IGSF3: variants seen among roughly 807,000 people sequenced by gnomAD.
The protein encoded by IGSF3 is immunoglobulin superfamily member 3, also known as glu-Trp-Ile EWI motif-containing protein 3.
A neutral mutation model predicts 114.4 loss-of-function variants in IGSF3; 23 were observed. The observed-to-expected ratio is 0.20, with a 90% CI of 0.14 to 0.28. The LOEUF (loss-of-function observed/expected upper bound fraction) is 0.28, where lower values mean the gene tolerates loss of function less well. IGSF3 is among the 10% of genes least tolerant of loss of function. The probability of loss-of-function intolerance (pLI) is 1.00; values close to 1 mark genes in which losing one functional copy is unlikely to be tolerated. For missense variants in IGSF3, 1,172 were observed against 1,591.5 expected (o/e 0.74, Z 4.48); for synonymous variants, 571 against 645.2 (o/e 0.88, Z 1.74).
At chr1:116,652,263 C>T (rs1648662097) in intron 2 of IGSF3, among the ~76,000 whole-genome samples, 1 of 152,210 alleles carries the variant, frequency 6.6e-6, no homozygotes, top group South Asian at 2.1e-4. Flanking sequence ...ATTCCATTTA[C>T]ATAAACAATT....
intron 7 of IGSF3, among the ~76,000 whole-genome samples, chr1:116,599,472 A>G (rs561246656): frequency 5.5e-4 from 83 of 152,286 alleles, no homozygotes; most frequent in Non-Finnish European, 8.1e-4. Context: ...AAGAGACAGG[A>G]TAACAAATGT....
chr1:116,607,149 G>T lies in IGSF3; in HGVS notation c.1222+793C>A, dbSNP rs1407084085. The stretch of plus-strand genomic sequence containing the variant: ...ACTTTACCACTTGTTTAAAATCAGA[G>T]CATTATAGGTTTTTATTCTCTTTAC... On this transcript the variant is annotated intron_variant, in intron 5 of 10. Coordinates refer to ENST00000369486, the MANE Select transcript of IGSF3 (RefSeq NM_001007237.3). The surrounding 1 kb of genome is among the most constrained non-coding windows in gnomAD (Gnocchi z 6.1). Among the ~76,000 whole-genome samples, 7 of 152,208 alleles carry T rather than the reference G, an allele frequency of 4.6e-5. No individual in the cohort carries two copies. The highest frequency in any genetic ancestry group is 3.9e-4 in the Admixed American group (6 of 15,288).
Position 116,614,023 on chromosome 1 carries a change from G to A in IGSF3, c.574C>T (p.Pro192Ser), listed in dbSNP as rs1443311897. 1.2e-6 allele frequency: 2 copies of A among 1,614,126 alleles called. No individual in the cohort carries two copies. The highest frequency in any genetic ancestry group is 1.7e-6 in the Non-Finnish European group (2 of 1,179,990). Reference sequence around the variant, plus strand: ...CGGCTCAGGGAGATGACCTCCACGGGCTTCTCGCCAACTTTCTGCCGGAGC... The same window carrying A: ...CGGCTCAGGGAGATGACCTCCACGGACTTCTCGCCAACTTTCTGCCGGAGC... ...AWLRQKVGEK[P>S]VEVISLSRDF... The change falls in exon 4 of 11, where the codon CCC becomes TCC. Residue 192 changes from proline (P) to serine (S), a missense_variant. By Grantham distance (74) the Pro-to-Ser change is moderately conservative. Transcript: ENST00000369486. This position sits in a 1 kb window ranked among gnomAD's most constrained non-coding sequence, Gnocchi z 4.5.
rs762506403 is a variant in IGSF3, at chr1:116,589,080, G to A, written c.2054C>T (p.Ser685Leu). The A allele has an allele frequency of 1.1e-5, 17 of 1,613,700 alleles. No individual in the cohort carries two copies. The highest frequency in any genetic ancestry group is 3.3e-5 in the South Asian group (3 of 91,064). ...TTCCACCAGGGTGAGGGTCCTCTTC[G>A]ATTTGCTCACCTGCAGCTTTGTCAC... ...QPVTKLQVSK[S>L]KRTLTLVENK... is the part of the protein sequence containing the mutation. Residue 685 changes from serine (S) to leucine (L), a missense_variant, in exon 8 of 11, where the codon TCG becomes TTG. Physicochemically the swap from Ser to Leu is moderately radical, Grantham distance 145 (BLOSUM62 -2). Transcript: ENST00000369486. This position sits in a 1 kb window ranked among gnomAD's most constrained non-coding sequence, Gnocchi z 5.7.
intron 5 of IGSF3, among the ~76,000 whole-genome samples, chr1:116,604,646 A>G (rs1042411648): frequency 6.6e-6 from 1 of 152,174 alleles, no homozygotes; most frequent in African/African-American, 2.4e-5. Flanking sequence ...TTTCATTAAC[A>G]CACAGGAACA....
Position 116,633,180 on chromosome 1 carries a change from C to T in IGSF3, c.44-16723G>A, listed in dbSNP as rs2101042503. On this transcript the variant is annotated intron_variant, in intron 2 of 10. Coordinates refer to ENST00000369486, the MANE Select transcript of IGSF3 (RefSeq NM_001007237.3). The surrounding 1 kb of genome is among the most constrained non-coding windows in gnomAD (Gnocchi z 4.3). Reference sequence around the variant, plus strand: ...TGGTCCCAGCCTGGGCATGGTACCACTGTCCTACATTCCAGCCATTTGGGA... The same window carrying T: ...TGGTCCCAGCCTGGGCATGGTACCATTGTCCTACATTCCAGCCATTTGGGA... 1.3e-5 allele frequency among the ~76,000 whole-genome samples: 2 copies of T among 152,354 alleles called. No homozygotes were observed. Among genetic ancestry groups the T allele is most frequent in the Middle Eastern group, 6.8e-3 (2 of 294 alleles).
intron 2 of IGSF3, among the ~76,000 whole-genome samples, chr1:116,622,124 A>G (rs1214734623): frequency 1.3e-5 from 2 of 152,172 alleles, no homozygotes; most frequent in African/African-American, 4.8e-5. Flanking sequence ...GATCGACCTC[A>G]CCATTTTACA....
chr1:116,660,635 G>T (rs189338558), intron 2 of IGSF3, among the ~76,000 whole-genome samples: 4 of 151,714 alleles, frequency 2.6e-5, no homozygotes, highest in African/African-American at 7.3e-5. Context: ...ACACCATCAC[G>T]CCCAGCTAAT....
At chr1:116,597,347 T>C (rs998797072) in intron 7 of IGSF3, among the ~76,000 whole-genome samples, 4 of 152,200 alleles carry the variant, frequency 2.6e-5, no homozygotes, top group Admixed American at 6.5e-5. Context: ...CACCAAAGTA[T>C]ATAGGAAAGA....
At position 116,594,600 on chromosome 1, in the gene IGSF3, A is replaced by G. The variant is rs1433591047; in HGVS notation, c.2029+5341T>C. Among the ~76,000 whole-genome samples the G allele has an allele frequency of 6.6e-6, 1 of 152,220 alleles. No individual in the cohort carries two copies. Among genetic ancestry groups the G allele is most frequent in the Non-Finnish European group, 1.5e-5 (1 of 68,038 alleles). On this transcript the variant is annotated intron_variant, in intron 7 of 10. Transcript: ENST00000369486. This position sits in a 1 kb window ranked among gnomAD's most constrained non-coding sequence, Gnocchi z 5.2. Reference sequence around the variant, plus strand: ...CCAATTTTATAAAGACACTTGCCCAAGGTCACACAGCTGGCTTAGTGGTAG... The same window carrying G: ...CCAATTTTATAAAGACACTTGCCCAGGGTCACACAGCTGGCTTAGTGGTAG...
At chr1:116,590,588 G>GGGGCA (rs1178310119) in intron 7 of IGSF3, among the ~76,000 whole-genome samples, 1 of 152,158 alleles carries the variant, frequency 6.6e-6, no homozygotes, top group African/African-American at 2.4e-5. Context: ...GGCAGGGGCA[G>GGGGCA]GGGCAGGGCA....
chr1:116,579,196 C>T lies in IGSF3; in HGVS notation c.3334+196G>A, dbSNP rs921078708. 7.2e-5 allele frequency among the ~76,000 whole-genome samples: 11 copies of T among 152,146 alleles called. No homozygotes were observed. Among genetic ancestry groups the T allele is most frequent in the Non-Finnish European group, 1.6e-4 (11 of 68,016 alleles). ...GGTATGTTATCACTTTAATTTCTAT[C>T]CCTATTTTTGCATGGGTAATCAAGG... On this transcript the variant is annotated intron_variant, in intron 10 of 10. Transcript: ENST00000369486. The surrounding 1 kb of genome is among the most constrained non-coding windows in gnomAD (Gnocchi z 6.4).
chr1:116,597,170 T>C (rs1660377647), intron 7 of IGSF3, among the ~76,000 whole-genome samples: 1 of 152,206 alleles, frequency 6.6e-6, no homozygotes, highest in South Asian at 2.1e-4. Flanking sequence ...TGAGAATCTC[T>C]CAGAGCCTCT....
At position 116,636,202 on chromosome 1, in the gene IGSF3, C is replaced by T. The variant is rs899283567; in HGVS notation, c.44-19745G>A. 6.6e-6 allele frequency among the ~76,000 whole-genome samples: 1 copy of T among 152,218 alleles called. No homozygotes were observed. The highest frequency in any genetic ancestry group is 2.1e-4 in the South Asian group (1 of 4,832). On this transcript the variant is annotated intron_variant, in intron 2 of 10. Transcript: ENST00000369486. The surrounding 1 kb of genome is among the most constrained non-coding windows in gnomAD (Gnocchi z 4.5). ...ACCTTCCCAAGAAGAATTCCCCATA[C>T]CGAGTCTACCATTCCTTCCCTGATC...
intron 2 of IGSF3, among the ~76,000 whole-genome samples, chr1:116,623,559 G>T (rs555469360): frequency 1.1e-4 from 17 of 152,202 alleles, no homozygotes; most frequent in Admixed American, 1.0e-3. Context: ...GATGGCACAC[G>T]CTATCAGGAG....
chr1:116,619,901 T>C (rs1472879687), intron 2 of IGSF3, among the ~76,000 whole-genome samples: 2 of 152,162 alleles, frequency 1.3e-5, no homozygotes, highest in African/African-American at 4.8e-5. Flanking sequence ...TGAAAAGAAC[T>C]AGAAAGAAAA....
intron 2 of IGSF3, among the ~76,000 whole-genome samples, chr1:116,635,898 A>C (rs1004803547): frequency 1.3e-5 from 2 of 152,234 alleles, no homozygotes; most frequent in African/African-American, 4.8e-5. Context: ...TGCCTTATGC[A>C]GGCAACCATT....
chr1:116,577,572 A>G lies in IGSF3; in HGVS notation c.3335-10T>C. The G allele has an allele frequency of 6.2e-7, 1 of 1,613,174 alleles. No homozygotes were observed. The highest frequency in any genetic ancestry group is 8.5e-7 in the Non-Finnish European group (1 of 1,179,566). Reference sequence around the variant, plus strand: ...GACTGGAGGGTGGGACCTGAAAAGAATCATGAGAGAGACAAGACAATGAGG... The same window carrying G: ...GACTGGAGGGTGGGACCTGAAAAGAGTCATGAGAGAGACAAGACAATGAGG... On this transcript the variant is annotated splice_polypyrimidine_tract_variant and intron_variant, in intron 10 of 10. Transcript: ENST00000369486. The surrounding 1 kb of genome is among the most constrained non-coding windows in gnomAD (Gnocchi z 5.7).
Position 116,616,476 on chromosome 1 carries a change from C to T in IGSF3, c.44-19G>A. 2 of 1,577,442 alleles carry T rather than the reference C, an allele frequency of 1.3e-6. No individual in the cohort carries two copies. Among genetic ancestry groups the T allele is most frequent in the Non-Finnish European group, 1.7e-6 (2 of 1,156,704 alleles). On this transcript the variant is annotated intron_variant, in intron 2 of 10. Transcript: ENST00000369486. This position sits in a 1 kb window ranked among gnomAD's most constrained non-coding sequence, Gnocchi z 6.6. ...ACCACACCTACGAGGGAGAGAAACA[C>T]ACACAACATGCTTACTTACTTCTCA...
Sources: gnomAD v4.1 joint callset for allele counts (sites outside exome capture counted in the v4.1 genomes callset) on GRCh38, gnomAD v4.1.1 for gene constraint, Gnocchi (gnomAD v3.1) non-coding constraint, MANE v1.5 for transcripts, NCBI Gene and HGNC (gene_info 2026-07-23, HGNC 2026-07-21) for gene names.